The following RND1 variants were observed in gnomAD, a reference collection of about 807,000 sequenced individuals.
RND1 encodes the protein rho-related GTP-binding protein Rho6.
Under a neutral mutation model 27.1 loss-of-function variants are expected in RND1, and 9 were observed. The ratio of observed to expected loss-of-function variants is 0.33; its 90% CI spans 0.20 to 0.58. The LOEUF (loss-of-function observed/expected upper bound fraction) is 0.58. Among genes scored for constraint, RND1 ranks in the 20% least tolerant of loss-of-function variants. The pLI is 0.86. For missense variants in RND1, 253 were observed against 292.2 expected, an observed-to-expected ratio of 0.87 and a Z score of 0.98; for synonymous variants, 108 against 115.7, an observed-to-expected ratio of 0.93 and a Z score of 0.43.
chr12:48,864,507 C>T (rs1300034083), intron 2 of RND1, among the ~76,000 whole-genome samples: 1 of 151,702 alleles, frequency 6.6e-6, no homozygotes, highest in Admixed American at 6.6e-5. Flanking sequence ...CTGCCCACCC[C>T]CAGGACTATT....
intron 4 of RND1, among the ~76,000 whole-genome samples, chr12:48,859,878 T>G (rs1416610264): frequency 6.6e-6 from 1 of 152,168 alleles, no homozygotes; most frequent in East Asian, 1.9e-4. Context: ...CACACTTTTT[T>G]TTCTTGAAAT....
intron 4 of RND1, among the ~76,000 whole-genome samples, chr12:48,859,734 A>T (rs1373638419): frequency 6.6e-6 from 1 of 152,174 alleles, no homozygotes; most frequent in Non-Finnish European, 1.5e-5. Context: ...AAAAAATGTT[A>T]AAAGATTAGC....
At chr12:48,862,964 CA>C (rs1938936257) in intron 2 of RND1, among the ~76,000 whole-genome samples, 1 of 151,850 alleles carries the variant, frequency 6.6e-6, no homozygotes, top group South Asian at 2.1e-4. Flanking sequence ...GGGGGGAATC[CA>C]AGCTGGTGGG....
chr12:48,864,416 T>TGTGTGTGTGCGCGCGC (rs141121524), intron 2 of RND1, among the ~76,000 whole-genome samples: 127 of 135,548 alleles, frequency 9.4e-4, no homozygotes, highest in African/African-American at 2.9e-3. Flanking sequence ...TGTGTGTGTG[T>TGTGTGTGTGCGCGCGC]GCGCGCGCGC....
chr12:48,860,500 T>G (rs1719244024), intron 4 of RND1, among the ~76,000 whole-genome samples: 2 of 145,950 alleles, frequency 1.4e-5, no homozygotes, highest in African/African-American at 5.1e-5. Context: ...GCAGCGGTCC[T>G]CCCACCTCAG....
intron 2 of RND1, among the ~76,000 whole-genome samples, chr12:48,862,998 G>A (rs949078903): frequency 1.3e-5 from 2 of 152,060 alleles, no homozygotes; most frequent in African/African-American, 2.4e-5. Context: ...ATTAAAAAAA[G>A]GAATACAGGG....
chr12:48,865,817 G>T lies in RND1; in HGVS notation c.-50C>A, dbSNP rs975617502. On this transcript the variant is annotated 5_prime_UTR_variant, in exon 1 of 5. Coordinates refer to ENST00000309739, the MANE Select transcript of RND1 (RefSeq NM_014470.4). ...ACTTCGATTCAGAAGGGAGGGTTGC[G>T]CCAGGTGCGTCTCAGCACGCCAATC... is the stretch of plus-strand genomic sequence containing the variant. 1.9e-6 allele frequency: 3 copies of T among 1,540,200 alleles called. No individual in the cohort carries two copies. Among genetic ancestry groups the T allele is most frequent in the Non-Finnish European group, 1.8e-6 (2 of 1,137,308 alleles).
chr12:48,861,696 G>C (rs187491207), intron 3 of RND1, among the ~76,000 whole-genome samples: 162 of 152,296 alleles, frequency 1.1e-3, no homozygotes, highest in Non-Finnish European at 1.6e-3. Context: ...AAGGTCCCAT[G>C]CCTGACCCTC....
At chr12:48,864,416 T>TGTGTGTGTGTGCGC (rs141121524) in intron 2 of RND1, among the ~76,000 whole-genome samples, 1,542 of 135,490 alleles carry the variant, frequency 0.011, 31 homozygotes, top group African/African-American at 0.039. Context: ...TGTGTGTGTG[T>TGTGTGTGTGTGCGC]GCGCGCGCGC....
intron 3 of RND1, among the ~76,000 whole-genome samples, 186 bp from the exon 4 acceptor site, chr12:48,861,317 C>A (rs910902702): frequency 6.6e-6 from 1 of 152,140 alleles, no homozygotes; most frequent in Non-Finnish European, 1.5e-5. Flanking sequence ...GCCCATGAGG[C>A]CTTTGGGGCC....
chr12:48,858,058 G>A lies in RND1; in HGVS notation c.637C>T (p.Arg213Cys), dbSNP rs554533556. ...AAGGTAGAAGAGATGAGTTCAGAGCGACTGGGGAGGTGGAGCAGTCGTTTG... is the reference window on the plus strand; with the variant it reads ...AAGGTAGAAGAGATGAGTTCAGAGCAACTGGGGAGGTGGAGCAGTCGTTTG... Reference protein sequence around the residue: ...LSKRLLHLPSRSELISSTFKK... With the variant: ...LSKRLLHLPSCSELISSTFKK... Residue 213 changes from arginine (R) to cysteine (C), a missense_variant, in exon 5 of 5, where the codon CGC (arginine) becomes TGC (cysteine). Arg to Cys is a radical substitution (Grantham distance 180). Transcript: ENST00000309739. 9.9e-6 allele frequency: 16 copies of A among 1,614,040 alleles called. No homozygotes were observed. The highest frequency in any genetic ancestry group is 2.2e-5 in the South Asian group (2 of 91,060).
chr12:48,863,644 C>T (rs1026959816), intron 2 of RND1, among the ~76,000 whole-genome samples: 1 of 152,126 alleles, frequency 6.6e-6, no homozygotes, highest in Non-Finnish European at 1.5e-5. Flanking sequence ...GAAAAGCATA[C>T]CAGATTGGGG....
At chr12:48,864,139 T>G (rs1938952954) in intron 2 of RND1, among the ~76,000 whole-genome samples, 1 of 152,108 alleles carries the variant, frequency 6.6e-6, no homozygotes, top group Non-Finnish European at 1.5e-5. Flanking sequence ...ATGCCCTATA[T>G]TAAGCCATCT....
chr12:48,864,426 C>T lies in RND1; in HGVS notation c.208+357G>A, dbSNP rs769807320. 1.0e-2 allele frequency among the ~76,000 whole-genome samples: 1,398 copies of T among 139,936 alleles called. 23 individuals carry two copies. The highest frequency in any genetic ancestry group is 0.036 in the African/African-American group (1,212 of 33,920). 91.8% of individuals were successfully genotyped at this position (139,936 alleles called of 152,430 possible). ...GTGTGTGTGTGTGTGTGCGCGCGCG[C>T]GCGTGTGTGTGCATGTGTGTACGCG... On this transcript the variant is annotated intron_variant, in intron 2 of 4. Transcript: ENST00000309739.
rs1938865001 is a variant in RND1 at position 48,857,859 on chromosome 12, G to C, written c.*137C>G. On this transcript the variant is annotated 3_prime_UTR_variant, in exon 5 of 5. Coordinates refer to ENST00000309739, the MANE Select transcript of RND1 (RefSeq NM_014470.4). ...CTGGCTCCTTCCTCGCCCCATTCCTGTCTCCTTCCAAGCCCTCACCGTGGC... is the reference window on the plus strand; with the variant it reads ...CTGGCTCCTTCCTCGCCCCATTCCTCTCTCCTTCCAAGCCCTCACCGTGGC... The C allele has an allele frequency of 1.9e-6, 2 of 1,045,240 alleles. No homozygotes were observed. The highest frequency in any genetic ancestry group is 1.3e-6 in the Non-Finnish European group (1 of 740,874). The allele number at this position is 1,045,240 out of a possible 1,614,324, so 64.7% of individuals were successfully genotyped here. A position where few individuals can be genotyped will look rare whatever the true frequency, so the allele number is the denominator to read the frequency against.
intron 2 of RND1, among the ~76,000 whole-genome samples, chr12:48,864,506 C>T (rs544888471): frequency 3.3e-5 from 5 of 151,870 alleles, no homozygotes; most frequent in South Asian, 4.2e-4. Context: ...ACTGCCCACC[C>T]CCAGGACTAT....
Position 48,857,833 on chromosome 12 carries a change from C to T in RND1, c.*163G>A. 2.6e-6 allele frequency: 2 copies of T among 756,862 alleles called. No individual in the cohort carries two copies. Among genetic ancestry groups the T allele is most frequent in the East Asian group, 3.0e-5 (1 of 33,138 alleles). 46.9% of individuals were successfully genotyped at this position (756,862 alleles called of 1,614,324 possible). On this transcript the variant is annotated 3_prime_UTR_variant, in exon 5 of 5. Transcript: ENST00000309739. ...CTCAGCGTCAGGTCCTCATGCCGGG[C>T]CTGGCTCCTTCCTCGCCCCATTCCT...
rs1938861704 is a variant in RND1, at chr12:48,857,708, C to A, written c.*288G>T. The A allele has an allele frequency of 3.4e-6, 1 of 290,746 alleles. No homozygotes were observed. The highest frequency in any genetic ancestry group is 6.4e-6 in the Non-Finnish European group (1 of 156,672). The allele number at this position is 290,746 out of a possible 1,614,324, so 18.0% of individuals were successfully genotyped here. A position where few individuals can be genotyped will look rare whatever the true frequency, so the allele number is the denominator to read the frequency against. On this transcript the variant is annotated 3_prime_UTR_variant, in exon 5 of 5. Coordinates refer to ENST00000309739, the MANE Select transcript of RND1 (RefSeq NM_014470.4). ...CCCAAGCCCATGAGGCCAGCATGCC[C>A]CCCGTCCCCCACAGCTTTCCTTCCT...
Position 48,861,113 on chromosome 12 carries a change from C to T in RND1, c.337G>A (p.Asp113Asn). ...ALKKWRTEIL[D>N]YCPSTRVLLI... is the part of the protein sequence containing the mutation. The stretch of plus-strand genomic sequence containing the variant: ...AAAACGCGGGTGCTGGGACAATAAT[C>T]TAGGATTTCTGTCCTCCACTGAGGG... Residue 113 changes from aspartate (D) to asparagine (N), a missense_variant, in exon 4 of 5, where the codon GAT (aspartate) becomes AAT (asparagine). Coordinates refer to ENST00000309739, the MANE Select transcript of RND1 (RefSeq NM_014470.4). The T allele has an allele frequency of 6.2e-7, 1 of 1,612,724 alleles. No individual in the cohort carries two copies. The highest frequency in any genetic ancestry group is 8.5e-7 in the Non-Finnish European group (1 of 1,179,058).
Sources: allele counts gnomAD v4.1 joint callset (sites outside exome capture counted in the v4.1 genomes callset), GRCh38; gene constraint gnomAD v4.1.1; transcripts MANE v1.5; gene names NCBI Gene and HGNC (gene_info 2026-07-23, HGNC 2026-07-21).